PTGER3: variants seen among roughly 807,000 people sequenced by gnomAD.
PTGER3 encodes prostaglandin E2 receptor EP3 subtype.
Under a neutral mutation model 34.7 loss-of-function variants are expected in PTGER3, and 22 were observed. That is an observed-to-expected ratio of 0.63 (90% CI 0.45 to 0.91). PTGER3 has a LOEUF of 0.91. PTGER3 is among the 40% of genes least tolerant of loss of function. The pLI, the probability that PTGER3 is intolerant of heterozygous loss-of-function variation, is 0.00. For synonymous variants in PTGER3, 241 were observed against 230.1 expected (o/e 1.05, Z -0.43); for missense variants, 468 against 519.4 (o/e 0.90, Z 0.96).
downstream of PTGER3, among the ~76,000 whole-genome samples, chr1:70,968,965 G>A (rs1652811192): frequency 1.3e-5 from 2 of 152,068 alleles, no homozygotes; most frequent in African/African-American, 4.8e-5. Flanking sequence ...CCAGCACTTT[G>A]GGGGGTTGAG....
chr1:71,004,783 G>A (rs1656795211), intron 2 of PTGER3, among the ~76,000 whole-genome samples: 1 of 152,200 alleles, frequency 6.6e-6, no homozygotes, highest in Admixed American at 6.5e-5. Context: ...CTGTGAATAG[G>A]TTTATGTGAT....
At chr1:70,935,314 T>G (rs1159616662) in intron 4 of PTGER3, among the ~76,000 whole-genome samples, 2 of 152,194 alleles carry the variant, frequency 1.3e-5, no homozygotes, top group Non-Finnish European at 2.9e-5. Context: ...AATTATCATC[T>G]AGTCAGTATT....
chr1:70,895,099 A>T (rs1326115300), intron 4 of PTGER3, among the ~76,000 whole-genome samples: 2 of 152,242 alleles, frequency 1.3e-5, no homozygotes, highest in Non-Finnish European at 2.9e-5. Context: ...TGACATCTCA[A>T]TACTGAGTTC....
intron 4 of PTGER3, among the ~76,000 whole-genome samples, chr1:70,940,319 A>G (rs1649634938): frequency 6.6e-6 from 1 of 152,124 alleles, no homozygotes; most frequent in South Asian, 2.1e-4. Flanking sequence ...GGAAGTTCCA[A>G]ACTTTCCCAC....
chr1:71,047,541 A>C lies in PTGER3; in HGVS notation c.37T>G (p.Phe13Val), dbSNP rs766884535. Residue 13 changes from phenylalanine (F) to valine (V), a missense_variant, in exon 1 of 4, where the codon TTC (phenylalanine) becomes GTC (valine). Around this residue, in one of 5 missense-constraint regions of PTGER3, gnomAD observed 151 missense variants for 133.5 expected, o/e 1.13. Coordinates refer to ENST00000306666, the MANE Select transcript of PTGER3 (RefSeq NM_198719.2). Reference sequence around the variant, plus strand: ...TAGGAGTGGTTGAGGCGGGTGCAGAAGGGGGCATCCCCTCCGTAGCCCCGG... The same window carrying C: ...TAGGAGTGGTTGAGGCGGGTGCAGACGGGGGCATCCCCTCCGTAGCCCCGG... Reference protein sequence around the residue: ...ETRGYGGDAPFCTRLNHSYTG... With the variant: ...ETRGYGGDAPVCTRLNHSYTG... 272 of 1,577,866 alleles carry C rather than the reference A, an allele frequency of 1.7e-4. No individual in the cohort carries two copies. The highest frequency in any genetic ancestry group is 2.3e-4 in the Non-Finnish European group (265 of 1,160,866).
intron 2 of PTGER3, chr1:71,006,289 G>A (rs559733328): frequency 2.0e-3 from 1,943 of 985,400 alleles, no homozygotes; most frequent in Non-Finnish European, 2.1e-3. Context: ...AAGAAAGAGG[G>A]ATACTTTTAA....
At chr1:70,924,931 T>A (rs1375849526) in intron 4 of PTGER3, among the ~76,000 whole-genome samples, 1 of 152,142 alleles carries the variant, frequency 6.6e-6, no homozygotes, top group African/African-American at 2.4e-5. Flanking sequence ...CTGAGACAAA[T>A]CTGGTATAAT....
intron 2 of PTGER3, among the ~76,000 whole-genome samples, chr1:70,991,247 G>T (rs538567957): frequency 1.1e-3 from 161 of 152,268 alleles, no homozygotes; most frequent in Non-Finnish European, 2.0e-3. Flanking sequence ...GGAGAAAGAG[G>T]AGCTGGCCTG....
At chr1:70,984,386 C>CAA (rs66985528) in intron 2 of PTGER3, among the ~76,000 whole-genome samples, 2 of 138,078 alleles carry the variant, frequency 1.4e-5, no homozygotes, top group Non-Finnish European at 1.6e-5. Context: ...GACTCTGCCT[C>CAA]AAAAAAAAAA....
chr1:70,958,615 C>T (rs1651600760), intron 2 of PTGER3, among the ~76,000 whole-genome samples: 1 of 152,110 alleles, frequency 6.6e-6, no homozygotes. Flanking sequence ...ATATTTCTCT[C>T]ATTCTGTAGA....
chr1:70,860,854 A>G (rs1489457919), intron 4 of PTGER3, among the ~76,000 whole-genome samples: 1 of 152,210 alleles, frequency 6.6e-6, no homozygotes, highest in Admixed American at 6.5e-5. Flanking sequence ...ACCTGCCTTT[A>G]TGGAAATTTA....
chr1:70,881,514 A>T (rs1437417457), intron 4 of PTGER3, among the ~76,000 whole-genome samples: 1 of 152,156 alleles, frequency 6.6e-6, no homozygotes, highest in Non-Finnish European at 1.5e-5. Flanking sequence ...TGTTGTTGCC[A>T]GAGTTCCTGC....
intron 4 of PTGER3, among the ~76,000 whole-genome samples, chr1:70,911,386 A>G (rs1447994500): frequency 6.6e-6 from 1 of 152,112 alleles, no homozygotes; most frequent in Non-Finnish European, 1.5e-5. Flanking sequence ...GATAAGATCA[A>G]ATATTCTTAC....
intron 2 of PTGER3, 96 bp downstream of exon 2, chr1:71,012,209 T>C: frequency 6.2e-7 from 1 of 1,607,354 alleles, no homozygotes; most frequent in Non-Finnish European, 8.5e-7. Context: ...AGTTAAGTGT[T>C]TTCTTTCATG....
intron 1 of PTGER3, among the ~76,000 whole-genome samples, chr1:71,039,239 G>T (rs1397141325): frequency 6.6e-6 from 1 of 152,142 alleles, no homozygotes; most frequent in African/African-American, 2.4e-5. Flanking sequence ...TAAGGGAAAG[G>T]GGAAATGGGA....
At chr1:71,036,421 G>A (rs1289089010) in intron 1 of PTGER3, among the ~76,000 whole-genome samples, 1 of 152,144 alleles carries the variant, frequency 6.6e-6, no homozygotes, top group Admixed American at 6.6e-5. Flanking sequence ...AGAGGCTGAG[G>A]CTGGAGGATC....
At chr1:70,864,745 G>A (rs1360213226) in intron 4 of PTGER3, among the ~76,000 whole-genome samples, 1 of 152,088 alleles carries the variant, frequency 6.6e-6, no homozygotes, top group East Asian at 1.9e-4. Flanking sequence ...ACATTAACTG[G>A]ACAACAATTT....
chr1:70,942,221 A>G (rs962826602), intron 4 of PTGER3, among the ~76,000 whole-genome samples: 1 of 152,154 alleles, frequency 6.6e-6, no homozygotes, highest in African/African-American at 2.4e-5. Flanking sequence ...CACAGATGAG[A>G]GCCTTGAGAT....
intron 2 of PTGER3, among the ~76,000 whole-genome samples, chr1:71,005,660 G>T (rs541386786): frequency 1.3e-5 from 2 of 152,264 alleles, no homozygotes; most frequent in East Asian, 3.9e-4. Flanking sequence ...GCCTGCAGAA[G>T]TGACTTAAAT....
Sources: allele counts gnomAD v4.1 joint callset (sites outside exome capture counted in the v4.1 genomes callset), GRCh38; gene constraint gnomAD v4.1.1; regional missense constraint gnomAD v4.1.1; transcripts MANE v1.5; gene names NCBI Gene and HGNC (gene_info 2026-07-23, HGNC 2026-07-21).